Variants in ZNF385D observed in about 807,000 individuals in gnomAD.
ZNF385D encodes the protein zinc finger protein 659.
In ZNF385D, 15 loss-of-function variants were observed where a neutral mutation model predicts 35.8. The observed-to-expected ratio is 0.42, with a 90% CI of 0.28 to 0.64. The LOEUF is 0.64. Among genes scored for constraint, ZNF385D ranks in the 30% least tolerant of loss-of-function variants. The pLI, the probability that ZNF385D is intolerant of heterozygous loss-of-function variation, is 0.23. For missense variants in ZNF385D, 474 were observed against 494.6 expected, an observed-to-expected ratio of 0.96 and a Z score of 0.39; for synonymous variants, 212 against 186.8, an observed-to-expected ratio of 1.13 and a Z score of -1.10.
In ZNF385D at chr3:21,632,724, A is replaced by G. The variant is rs1307721595; in HGVS notation, c.165+32162T>C. On this transcript the variant is annotated intron_variant, in intron 2 of 7. Coordinates refer to ENST00000281523, the MANE Select transcript of ZNF385D (RefSeq NM_024697.3). ...CGAACTGTTGCTTTCCCTAATTTGTAGTGGGTCATACATCATCTCTGCTGG... is the reference window on the plus strand; with the variant it reads ...CGAACTGTTGCTTTCCCTAATTTGTGGTGGGTCATACATCATCTCTGCTGG... Among the ~76,000 whole-genome samples the G allele has an allele frequency of 3.9e-5, 6 of 152,148 alleles. No individual in the cohort carries two copies. In the East Asian group the frequency reaches 1.2e-3, roughly 29 times the overall value.
chr3:21,704,560 G>C (rs1237205684), intron 1 of ZNF385D, among the ~76,000 whole-genome samples: 1 of 152,020 alleles, frequency 6.6e-6, no homozygotes, highest in African/African-American at 2.4e-5. Flanking sequence ...CCAGAATGGA[G>C]TGCAGTGGTG....
intron 2 of ZNF385D, among the ~76,000 whole-genome samples, chr3:22,255,662 CAA>C: frequency 6.8e-6 from 1 of 147,144 alleles, no homozygotes; most frequent in South Asian, 2.1e-4. Context: ...CATCACATTT[CAA>C]AAAAAAAATG....
chr3:21,415,222 T>C lies in ZNF385D; in HGVS notation c.*5992A>G, dbSNP rs935232586. ...CAATCTGGGTTTCCAATGAAGGCTCTCTCTGCTAATTTTCCGTTGTCTTGT... is the reference window on the plus strand; with the variant it reads ...CAATCTGGGTTTCCAATGAAGGCTCCCTCTGCTAATTTTCCGTTGTCTTGT... On this transcript the variant is annotated 3_prime_UTR_variant, in exon 8 of 8. Coordinates refer to ENST00000281523, the MANE Select transcript of ZNF385D (RefSeq NM_024697.3). 6.6e-6 allele frequency: 1 copy of C among 152,140 alleles called. No individual in the cohort carries two copies. The highest frequency in any genetic ancestry group is 2.4e-5 in the African/African-American group (1 of 41,434). The allele number at this position is 152,140 out of a possible 1,614,324, so 9.4% of individuals were successfully genotyped here.
At chr3:21,908,116 CTATA>C (rs749835933) in intron 3 of ZNF385D, among the ~76,000 whole-genome samples, 13 of 123,610 alleles carry the variant, frequency 1.1e-4, no homozygotes, top group East Asian at 2.2e-4. Context: ...ATCTTTCTCT[CTATA>C]TCTATCTATC....
chr3:22,179,771 G>C (rs1695098061), intron 2 of ZNF385D, among the ~76,000 whole-genome samples: 1 of 152,064 alleles, frequency 6.6e-6, no homozygotes, highest in Non-Finnish European at 1.5e-5. Context: ...AGAATCTCTG[G>C]GACACATTTA....
intron 3 of ZNF385D, among the ~76,000 whole-genome samples, chr3:21,540,148 T>C (rs1032154590): frequency 6.6e-5 from 10 of 152,210 alleles, no homozygotes; most frequent in Non-Finnish European, 1.5e-4. Flanking sequence ...GGAGAAAGCT[T>C]ACTATGATAA....
chr3:22,040,063 C>G (rs933708867), intron 3 of ZNF385D, among the ~76,000 whole-genome samples: 34 of 152,156 alleles, frequency 2.2e-4, no homozygotes, highest in African/African-American at 7.2e-4. Flanking sequence ...ACGGCCAAGT[C>G]TCAAGATTTC....
At chr3:21,860,122 C>G (rs544640681) in intron 3 of ZNF385D, among the ~76,000 whole-genome samples, 1 of 152,114 alleles carries the variant, frequency 6.6e-6, no homozygotes, top group South Asian at 2.1e-4. Context: ...AGCAAATTAA[C>G]AACTACAGAA....
intron 2 of ZNF385D, among the ~76,000 whole-genome samples, chr3:22,221,365 C>T (rs1481936654): frequency 1.3e-5 from 2 of 151,960 alleles, no homozygotes; most frequent in African/African-American, 2.4e-5. Flanking sequence ...AATTCATGGC[C>T]AATCACATTG....
chr3:22,293,883 G>A (rs1052655403), intron 2 of ZNF385D, among the ~76,000 whole-genome samples: 1 of 152,116 alleles, frequency 6.6e-6, no homozygotes, highest in Admixed American at 6.6e-5. Context: ...GAATGCTAAA[G>A]TTTACAAGCA....
At chr3:21,698,328 A>G (rs2067544034) in intron 1 of ZNF385D, among the ~76,000 whole-genome samples, 1 of 146,888 alleles carries the variant, frequency 6.8e-6, no homozygotes, top group Admixed American at 6.8e-5. Context: ...CTATTATCCA[A>G]AGTGCAATGA....
At chr3:21,799,430 T>A (rs1035566017) in intron 3 of ZNF385D, among the ~76,000 whole-genome samples, 1 of 152,200 alleles carries the variant, frequency 6.6e-6, no homozygotes, top group Non-Finnish European at 1.5e-5. Context: ...TAACACTTGT[T>A]TTGTAAATTA....
intron 2 of ZNF385D, among the ~76,000 whole-genome samples, chr3:21,574,832 C>T (rs1431548019): frequency 6.6e-6 from 1 of 151,920 alleles, no homozygotes; most frequent in Non-Finnish European, 1.5e-5. Context: ...TGCATCAATT[C>T]CATAAATTGA....
intron 1 of ZNF385D, among the ~76,000 whole-genome samples, chr3:21,714,807 T>C (rs2068248096): frequency 1.3e-5 from 2 of 152,198 alleles, no homozygotes; most frequent in South Asian, 4.1e-4. Flanking sequence ...CTGTTCCTAC[T>C]CTCTCTTTTT....
At chr3:21,973,940 G>A (rs190793694) in intron 3 of ZNF385D, among the ~76,000 whole-genome samples, 1 of 151,600 alleles carries the variant, frequency 6.6e-6, no homozygotes. Flanking sequence ...AAAATGAAAA[G>A]GTATTCTATG....
chr3:21,499,395 G>A (rs1706196662), intron 4 of ZNF385D, among the ~76,000 whole-genome samples: 1 of 152,044 alleles, frequency 6.6e-6, no homozygotes, highest in Non-Finnish European at 1.5e-5. Context: ...ACCAAATACT[G>A]AATATTTTCA....
At chr3:22,064,662 T>C (rs1446516386) in intron 3 of ZNF385D, among the ~76,000 whole-genome samples, 2 of 152,172 alleles carry the variant, frequency 1.3e-5, no homozygotes, top group Non-Finnish European at 2.9e-5. Context: ...TGGAGGACCT[T>C]ACGCTAAGTG....
intron 3 of ZNF385D, among the ~76,000 whole-genome samples, chr3:22,003,902 A>G (rs1181626654): frequency 6.6e-6 from 1 of 151,874 alleles, no homozygotes; most frequent in Non-Finnish European, 1.5e-5. Context: ...AAAAATCCTA[A>G]AATTCAAATA....
At chr3:21,542,489 A>G (rs899992600) in intron 3 of ZNF385D, among the ~76,000 whole-genome samples, 12 of 152,094 alleles carry the variant, frequency 7.9e-5, no homozygotes, top group African/African-American at 2.7e-4. Flanking sequence ...CTAGGACTAC[A>G]GGTGCGCACC....
Sources: allele counts gnomAD v4.1 joint callset (sites outside exome capture counted in the v4.1 genomes callset), GRCh38; gene constraint gnomAD v4.1.1; transcripts MANE v1.5; gene names NCBI Gene and HGNC (gene_info 2026-07-23, HGNC 2026-07-21).